Variants in RABEP1 observed in about 807,000 individuals in gnomAD.
The protein encoded by RABEP1 is rab GTPase-binding effector protein 1.
In RABEP1, 51 loss-of-function variants were observed where a neutral mutation model predicts 123.4. That is an observed-to-expected ratio of 0.41 (90% CI 0.33 to 0.52). The LOEUF (loss-of-function observed/expected upper bound fraction) is 0.52. Among genes scored for constraint, RABEP1 ranks in the 20% least tolerant of loss-of-function variants. The probability of loss-of-function intolerance (pLI) is 0.16; values close to 1 mark genes in which losing one functional copy is unlikely to be tolerated. For synonymous variants in RABEP1, 347 were observed against 355.2 expected, an observed-to-expected ratio of 0.98 and a Z score of 0.26; for missense variants, 888 against 996.3, an observed-to-expected ratio of 0.89 and a Z score of 1.46.
intron 2 of RABEP1, among the ~76,000 whole-genome samples, chr17:5,310,868 G>A (rs1054519522): frequency 6.7e-6 from 1 of 149,336 alleles, no homozygotes; most frequent in Non-Finnish European, 1.5e-5. Flanking sequence ...GAAGTGCAGT[G>A]GTGTGATCTT....
At chr17:5,343,816 C>T (rs1029380471) in intron 5 of RABEP1, among the ~76,000 whole-genome samples, 3 of 151,354 alleles carry the variant, frequency 2.0e-5, no homozygotes, top group Non-Finnish European at 4.4e-5. Flanking sequence ...GCTGGGATTA[C>T]AGGCGTGCAC....
intron 12 of RABEP1, among the ~76,000 whole-genome samples, chr17:5,370,972 T>TG (rs899244437): frequency 2.6e-5 from 4 of 151,990 alleles, no homozygotes; most frequent in African/African-American, 9.7e-5. Context: ...TCTCTTTTTT[T>TG]TTTTTTGTTT....
intron 1 of RABEP1, 133 bp downstream of exon 1, chr17:5,282,653 G>GT: frequency 5.9e-6 from 3 of 511,622 alleles, no homozygotes; most frequent in Non-Finnish European, 7.5e-6. Flanking sequence ...GGCGGAGGCG[G>GT]GGGCGCGCGG....
rs547408457 is a variant in RABEP1, at chr17:5,358,839, C to T, written c.1096-2369C>T. Among the ~76,000 whole-genome samples, 3 of 152,312 alleles carry T rather than the reference C, an allele frequency of 2.0e-5. 1 individual carries two copies. The South Asian group carries it at 6.2e-4, about 32-fold the overall frequency. ...ACAGTGGCACCATCACAGCTCACTA[C>T]AGCCCCGATCTCCTGGGCTCAAGCA... On this transcript the variant is annotated intron_variant, in intron 8 of 17. Coordinates refer to ENST00000537505, the MANE Select transcript of RABEP1 (RefSeq NM_004703.6).
At position 5,383,404 on chromosome 17, in the gene RABEP1, A is replaced by G. The variant is rs573393727; in HGVS notation, c.*181A>G. ...ACAGGAAACAGCAAACAGTGGGGTG[A>G]TCTGCAGCCCAGAGACCTTCAAATG... is the stretch of plus-strand genomic sequence containing the variant. On this transcript the variant is annotated 3_prime_UTR_variant, in exon 18 of 18. Coordinates refer to ENST00000537505, the MANE Select transcript of RABEP1 (RefSeq NM_004703.6). The G allele has an allele frequency of 1.1e-3, 620 of 582,324 alleles. 1 individual carries two copies. The highest frequency in any genetic ancestry group is 1.6e-3 in the Non-Finnish European group (540 of 327,794). 36.1% of individuals were successfully genotyped at this position (582,324 alleles called of 1,614,324 possible).
chr17:5,321,409 C>T (rs926404651), intron 2 of RABEP1, among the ~76,000 whole-genome samples: 2 of 152,220 alleles, frequency 1.3e-5, no homozygotes, highest in East Asian at 1.9e-4. Context: ...TGCCACAGCA[C>T]TCCAGCCTGG....
At chr17:5,338,272 CA>C in intron 5 of RABEP1, 134 bp downstream of exon 5, 1 of 1,184,086 alleles carries the variant, frequency 8.4e-7, no homozygotes, top group Non-Finnish European at 1.1e-6. Flanking sequence ...CTTTAAAATG[CA>C]AAAAACTGCC....
chr17:5,361,128 C>T (rs1909489168), intron 8 of RABEP1, 80 bp from the exon 9 acceptor site: 10 of 1,207,632 alleles, frequency 8.3e-6, no homozygotes, highest in African/African-American at 3.0e-5. Context: ...TAATGAGTGG[C>T]GGAATACATT....
chr17:5,368,593 G>A (rs1910280785), intron 12 of RABEP1, 125 bp downstream of exon 12: 6 of 646,888 alleles, frequency 9.3e-6, no homozygotes, highest in Non-Finnish European at 1.6e-5. Context: ...TCTTCTCCCG[G>A]GACTGTAGAA....
intron 15 of RABEP1, among the ~76,000 whole-genome samples, chr17:5,379,532 C>T (rs1464823917): frequency 6.6e-6 from 1 of 152,200 alleles, no homozygotes; most frequent in African/African-American, 2.4e-5. Context: ...TGCCTGACTT[C>T]CCAGGCATCC....
chr17:5,332,282 A>T (rs1906621847), intron 3 of RABEP1, 130 bp downstream of exon 3: 2 of 824,556 alleles, frequency 2.4e-6, no homozygotes, highest in East Asian at 5.3e-5. Context: ...CATCATCAAG[A>T]TATACTTTCA....
chr17:5,282,451 C>T lies in RABEP1; in HGVS notation c.-36C>T, dbSNP rs1597316481. On this transcript the variant is annotated 5_prime_UTR_variant, in exon 1 of 18. Transcript: ENST00000537505. ...GCGGGAGCCCAGGACGCCGCTTCCCCGCCCATCCCCGCTCCCCGAGGCCGG... is the reference window on the plus strand; with the variant it reads ...GCGGGAGCCCAGGACGCCGCTTCCCTGCCCATCCCCGCTCCCCGAGGCCGG... The T allele has an allele frequency of 7.4e-7, 1 of 1,343,336 alleles. No individual in the cohort carries two copies. Among genetic ancestry groups the T allele is most frequent in the Non-Finnish European group, 9.6e-7 (1 of 1,036,286 alleles). 83.2% of individuals were successfully genotyped at this position (1,343,336 alleles called of 1,614,324 possible).
At chr17:5,370,174 T>C (rs950822736) in intron 12 of RABEP1, among the ~76,000 whole-genome samples, 1 of 152,244 alleles carries the variant, frequency 6.6e-6, no homozygotes, top group Non-Finnish European at 1.5e-5. Context: ...ACTCACCACG[T>C]TAGTGCATGC....
At chr17:5,297,843 A>G (rs73337243) in intron 1 of RABEP1, among the ~76,000 whole-genome samples, 18,033 of 152,186 alleles carry the variant, frequency 0.12, 1,423 homozygotes, top group African/African-American at 0.22. Flanking sequence ...GTTATGCTCT[A>G]TGGCTTCTCA....
rs369010650 is a variant in RABEP1, at chr17:5,354,465, C to T, written c.1070C>T (p.Ser357Phe). 6 of 1,611,968 alleles carry T rather than the reference C, an allele frequency of 3.7e-6. No individual in the cohort carries two copies. Among genetic ancestry groups the T allele is most frequent in the Non-Finnish European group, 5.1e-6 (6 of 1,179,222 alleles). Residue 357 changes from serine (S) to phenylalanine (F), a missense_variant, in exon 8 of 18, where the codon TCT (serine) becomes TTT (phenylalanine). By Grantham distance (155) the Ser-to-Phe change is radical (BLOSUM62 -2). Coordinates refer to ENST00000537505, the MANE Select transcript of RABEP1 (RefSeq NM_004703.6). Reference protein sequence around the residue: ...PVVCALTQEESSAQLSNEEEH... With the variant: ...PVVCALTQEEFSAQLSNEEEH... ...GTGTGTGCTTTAACTCAAGAAGAAT[C>T]TTCAGCCCAGTTATCAAATGAAGAG... is the stretch of plus-strand genomic sequence containing the variant.
In RABEP1 at chr17:5,384,275, ATTCCT is replaced by A. The variant is rs1911756343; in HGVS notation, c.*1058_*1062del. The A allele has an allele frequency of 4.7e-6, 1 of 213,816 alleles. No individual in the cohort carries two copies. The highest frequency in any genetic ancestry group is 5.8e-5 in the Admixed American group (1 of 17,136). 13.2% of individuals were successfully genotyped at this position (213,816 alleles called of 1,614,324 possible). Reference sequence around the variant, plus strand: ...TGTCTTGTCATTTTACAAGCATTAGATTCCTTTCCTGTGTGAAGAAAGCCTCAGTG... The same window carrying A: ...TGTCTTGTCATTTTACAAGCATTAGATTCCTGTGTGAAGAAAGCCTCAGTG... On this transcript the variant is annotated 3_prime_UTR_variant, in exon 18 of 18. Transcript: ENST00000537505.
intron 15 of RABEP1, chr17:5,378,645 C>T: frequency 4.3e-6 from 1 of 230,262 alleles, no homozygotes; most frequent in South Asian, 5.2e-5. Flanking sequence ...ACTTCCTGAC[C>T]TCACTGTTCC....
intron 4 of RABEP1, among the ~76,000 whole-genome samples, chr17:5,336,902 C>A (rs1376984950): frequency 3.9e-5 from 6 of 152,224 alleles, no homozygotes; most frequent in South Asian, 2.1e-4. Flanking sequence ...TGGGGAAAAT[C>A]CCCCTCACGT....
intron 1 of RABEP1, among the ~76,000 whole-genome samples, chr17:5,288,587 G>T (rs1282536540): frequency 6.6e-6 from 1 of 152,000 alleles, no homozygotes; most frequent in Admixed American, 6.6e-5. Context: ...TAGAGATGAG[G>T]TTTCGCCATG....
Sources: allele counts gnomAD v4.1 joint callset (sites outside exome capture counted in the v4.1 genomes callset), GRCh38; gene constraint gnomAD v4.1.1; transcripts MANE v1.5; gene names NCBI Gene and HGNC (gene_info 2026-07-23, HGNC 2026-07-21).